MAP1B: variants seen among roughly 807,000 people sequenced by gnomAD.
MAP1B encodes the protein microtubule-associated protein 1B.
Under a neutral mutation model 176.1 loss-of-function variants are expected in MAP1B, and 12 were observed. The observed-to-expected ratio is 0.07, with a 90% CI of 0.04 to 0.11. The LOEUF is 0.11. Ranked by LOEUF, MAP1B falls within the 10% of genes least tolerant of loss-of-function variation. The pLI, the probability that MAP1B is intolerant of heterozygous loss-of-function variation, is 1.00. For synonymous variants in MAP1B, 1,044 were observed against 1,135.0 expected (o/e 0.92, Z 1.61); for missense variants, 2,523 against 2,990.5 (o/e 0.84, Z 3.65).
chr5:72,189,481 C>CA (rs1561311475), intron 4 of MAP1B, among the ~76,000 whole-genome samples: 1 of 152,136 alleles, frequency 6.6e-6, no homozygotes, highest in Non-Finnish European at 1.5e-5. Context: ...TCAGTTTTAC[C>CA]CACAGTTCTT....
chr5:72,136,778 T>C (rs946064376), intron 2 of MAP1B, among the ~76,000 whole-genome samples: 5 of 152,180 alleles, frequency 3.3e-5, no homozygotes, highest in Non-Finnish European at 7.4e-5. Context: ...ACATTTTGAC[T>C]ACTGACCCCA....
intron 1 of MAP1B, among the ~76,000 whole-genome samples, chr5:72,109,972 G>A (rs1361355999): frequency 1.3e-5 from 2 of 152,170 alleles, no homozygotes; most frequent in South Asian, 4.1e-4. Flanking sequence ...GAAAACAGAC[G>A]CATCCACGTA....
At chr5:72,191,765 G>A (rs1335367680) in intron 4 of MAP1B, among the ~76,000 whole-genome samples, 2 of 152,178 alleles carry the variant, frequency 1.3e-5, no homozygotes, top group Non-Finnish European at 2.9e-5. Context: ...GTACATCACG[G>A]TTGTTCATTC....
intron 4 of MAP1B, among the ~76,000 whole-genome samples, chr5:72,187,089 A>T (rs1426049141): frequency 6.6e-6 from 1 of 152,212 alleles, no homozygotes; most frequent in Non-Finnish European, 1.5e-5. Context: ...TTTCTGAAAT[A>T]ATACTCCAAA....
At chr5:72,188,983 T>C (rs1271415865) in intron 4 of MAP1B, among the ~76,000 whole-genome samples, 1 of 152,174 alleles carries the variant, frequency 6.6e-6, no homozygotes, top group East Asian at 1.9e-4. Context: ...ATTGTTGCCT[T>C]GGAAAAATGG....
intron 2 of MAP1B, among the ~76,000 whole-genome samples, chr5:72,143,917 A>G (rs1410551331): frequency 6.6e-6 from 1 of 152,092 alleles, no homozygotes; most frequent in African/African-American, 2.4e-5. Flanking sequence ...TTGAACTCCT[A>G]GGCTCAATAC....
intron 4 of MAP1B, chr5:72,193,225 C>T: frequency 2.6e-6 from 1 of 385,394 alleles, no homozygotes; most frequent in Non-Finnish European, 5.1e-6. Flanking sequence ...TCCGTAACTT[C>T]TTGTCTCCTA....
chr5:72,109,351 T>TGAAAATAAG (rs1377777909), intron 1 of MAP1B, among the ~76,000 whole-genome samples: 1 of 152,218 alleles, frequency 6.6e-6, no homozygotes, highest in East Asian at 1.9e-4. Context: ...TCAATAACCC[T>TGAAAATAAG]TCATTTTCAG....
At chr5:72,147,465 TA>T (rs539036066) in intron 2 of MAP1B, among the ~76,000 whole-genome samples, 67 of 141,726 alleles carry the variant, frequency 4.7e-4, no homozygotes, top group East Asian at 3.1e-3. Flanking sequence ...TTTTAGTGAT[TA>T]AAAAAAAAAA....
At chr5:72,116,886 GAT>G (rs1258184831) in intron 2 of MAP1B, among the ~76,000 whole-genome samples, 1 of 152,058 alleles carries the variant, frequency 6.6e-6, no homozygotes, top group Non-Finnish European at 1.5e-5. Flanking sequence ...TATATACATT[GAT>G]ATTTGAAATC....
At chr5:72,123,573 C>T (rs551673773) in intron 2 of MAP1B, among the ~76,000 whole-genome samples, 1 of 152,138 alleles carries the variant, frequency 6.6e-6, no homozygotes, top group South Asian at 2.1e-4. Flanking sequence ...CAAGCTATGC[C>T]TCCCAGGTTC....
chr5:72,144,615 G>A (rs529147621), intron 2 of MAP1B, among the ~76,000 whole-genome samples: 1 of 152,130 alleles, frequency 6.6e-6, no homozygotes, highest in East Asian at 1.9e-4. Context: ...GGCCGGTCTT[G>A]AACTCCTAGC....
chr5:72,115,669 C>T, intron 1 of MAP1B, 29 bp from the exon 2 acceptor site: 1 of 1,231,404 alleles, frequency 8.1e-7, no homozygotes, highest in Non-Finnish European at 1.2e-6. Flanking sequence ...AACTGGAAGT[C>T]TCTCAACTGT....
chr5:72,148,521 A>ACTTATG (rs1161227456), intron 2 of MAP1B, among the ~76,000 whole-genome samples: 1 of 152,228 alleles, frequency 6.6e-6, no homozygotes, highest in African/African-American at 2.4e-5. Flanking sequence ...CAGGGGTTGC[A>ACTTATG]CTTATGAATG....
At chr5:72,133,604 C>G (rs1441591918) in intron 2 of MAP1B, among the ~76,000 whole-genome samples, 1 of 152,176 alleles carries the variant, frequency 6.6e-6, no homozygotes, top group Non-Finnish European at 1.5e-5. Context: ...ACCTACTTTA[C>G]AGAGGATTTA....
intron 4 of MAP1B, 33 bp from the exon 5 acceptor site, chr5:72,193,832 CT>C (rs769257526): frequency 1.5e-5 from 23 of 1,537,524 alleles, no homozygotes; most frequent in Non-Finnish European, 1.8e-5. Flanking sequence ...TCACTTACAC[CT>C]TTTCTTTCTT....
In MAP1B at chr5:72,203,815, G is replaced by A. The variant is rs775220449; in HGVS notation, c.7251+14G>A. The A allele has an allele frequency of 4.4e-6, 7 of 1,608,500 alleles. No homozygotes were observed. The highest frequency in any genetic ancestry group is 2.2e-5 in the East Asian group (1 of 44,848). Reference sequence around the variant, plus strand: ...AGCAACATGCAGGTGAGAACTCCTCGACAGTGTCTGCACTGCCGATTGAGC... The same window carrying A: ...AGCAACATGCAGGTGAGAACTCCTCAACAGTGTCTGCACTGCCGATTGAGC... On this transcript the variant is annotated intron_variant, in intron 6 of 6. Coordinates refer to ENST00000296755, the MANE Select transcript of MAP1B (RefSeq NM_005909.5).
At chr5:72,120,549 C>T (rs187971568) in intron 2 of MAP1B, among the ~76,000 whole-genome samples, 134 of 152,044 alleles carry the variant, frequency 8.8e-4, no homozygotes, top group South Asian at 6.9e-3. Context: ...TTCAGTCTCC[C>T]GAGTAGCTGG....
At chr5:72,177,522 G>GACTT (rs1746674558) in intron 2 of MAP1B, among the ~76,000 whole-genome samples, 1 of 152,156 alleles carries the variant, frequency 6.6e-6, no homozygotes, top group African/African-American at 2.4e-5. Flanking sequence ...GGATAGAGAA[G>GACTT]ACTTCTGTGA....
Sources: allele counts gnomAD v4.1 joint callset (sites outside exome capture counted in the v4.1 genomes callset), GRCh38; gene constraint gnomAD v4.1.1; transcripts MANE v1.5; gene names NCBI Gene and HGNC (gene_info 2026-07-23, HGNC 2026-07-21).